Variants in NSMCE2 observed in about 807,000 individuals in gnomAD.
NSMCE2 encodes NSE2 SUMO ligase component of SMC5/6 complex.
In NSMCE2, 24 loss-of-function variants were observed where a neutral mutation model predicts 23.8. The observed-to-expected ratio is 1.01, with a 90% CI of 0.73 to 1.42. NSMCE2 has a LOEUF of 1.42. Among genes scored for constraint, NSMCE2 ranks in the 40% most tolerant of loss-of-function variants. The probability of loss-of-function intolerance (pLI) is 0.00; values close to 1 mark genes in which losing one functional copy is unlikely to be tolerated. For missense variants in NSMCE2, 284 were observed against 296.5 expected (o/e 0.96, Z 0.31); for synonymous variants, 92 against 94.1 (o/e 0.98, Z 0.13).
In NSMCE2 at chr8:125,101,197, T is replaced by G. The variant is rs576475432; in HGVS notation, c.-110-854T>G. On this transcript the variant is annotated intron_variant, in intron 1 of 7. Coordinates refer to ENST00000287437, the MANE Select transcript of NSMCE2 (RefSeq NM_173685.4). The stretch of plus-strand genomic sequence containing the variant: ...CATGATTGACATGGTAGGTACTCAA[T>G]ACTTATGAGTGAAATGAATGAATGA... 7.9e-5 allele frequency among the ~76,000 whole-genome samples: 12 copies of G among 152,294 alleles called. No homozygotes were observed. The South Asian group carries it at 2.3e-3, about 29-fold the overall frequency.
At chr8:125,122,737 T>A (rs1819331569) in intron 3 of NSMCE2, among the ~76,000 whole-genome samples, 1 of 152,190 alleles carries the variant, frequency 6.6e-6, no homozygotes, top group Admixed American at 6.5e-5. Context: ...TTCTTTGCAC[T>A]CAGTTGTATT....
chr8:125,334,870 C>A (rs1296674421), intron 5 of NSMCE2, among the ~76,000 whole-genome samples: 2 of 147,860 alleles, frequency 1.4e-5, no homozygotes, highest in African/African-American at 5.0e-5. Flanking sequence ...ATCCTCCCAC[C>A]TCAACCTCCT....
intron 3 of NSMCE2, among the ~76,000 whole-genome samples, chr8:125,127,547 T>G (rs1032910209): frequency 2.6e-5 from 4 of 152,250 alleles, no homozygotes; most frequent in African/African-American, 9.6e-5. Flanking sequence ...TTATGTAATG[T>G]GTTACATGGA....
chr8:125,353,522 A>G (rs1813124099), intron 5 of NSMCE2, among the ~76,000 whole-genome samples: 2 of 152,196 alleles, frequency 1.3e-5, no homozygotes, highest in Admixed American at 6.5e-5. Flanking sequence ...CATCATAGCC[A>G]TGAGCAATAT....
chr8:125,271,708 A>G (rs1827197823), intron 5 of NSMCE2, among the ~76,000 whole-genome samples: 1 of 152,324 alleles, frequency 6.6e-6, no homozygotes, highest in East Asian at 1.9e-4. Context: ...GGGTTTCAAC[A>G]TCAGCGTTCT....
At chr8:125,148,404 T>C (rs2130662437) in intron 3 of NSMCE2, among the ~76,000 whole-genome samples, 1 of 152,334 alleles carries the variant, frequency 6.6e-6, no homozygotes, top group Admixed American at 6.5e-5. Context: ...AGCTCTTTTG[T>C]AGCATTTTGA....
At chr8:125,333,564 G>T (rs1241899486) in intron 5 of NSMCE2, among the ~76,000 whole-genome samples, 1 of 122,510 alleles carries the variant, frequency 8.2e-6, no homozygotes, top group Non-Finnish European at 1.6e-5. Flanking sequence ...GCCCAGGCTG[G>T]AGTGCAGTGG....
In NSMCE2 at chr8:125,267,043, C is replaced by T. The variant is rs568470391; in HGVS notation, c.418+84787C>T. 1.6e-4 allele frequency among the ~76,000 whole-genome samples: 18 copies of T among 113,592 alleles called. No homozygotes were observed. In the Admixed American group the frequency reaches 1.6e-3, roughly 10 times the overall value. 74.5% of individuals were successfully genotyped at this position (113,592 alleles called of 152,430 possible). ...TTTTTGAGACAGAGTCTTGCTCTGT[C>T]TCCCAGGCAGTAGTGCAATGGCATG... On this transcript the variant is annotated intron_variant, in intron 5 of 7. Coordinates refer to ENST00000287437, the MANE Select transcript of NSMCE2 (RefSeq NM_173685.4).
chr8:125,302,141 GA>G (rs1432823834), intron 5 of NSMCE2, among the ~76,000 whole-genome samples: 1 of 152,058 alleles, frequency 6.6e-6, no homozygotes, highest in Admixed American at 6.6e-5. Flanking sequence ...ATTTTTAGTA[GA>G]AATGGGGTTT....
intron 3 of NSMCE2, among the ~76,000 whole-genome samples, chr8:125,147,989 C>A (rs1820786399): frequency 6.6e-6 from 1 of 152,180 alleles, no homozygotes; most frequent in African/African-American, 2.4e-5. Flanking sequence ...CTCTCAGCCC[C>A]CTGCTACAGC....
intron 5 of NSMCE2, among the ~76,000 whole-genome samples, chr8:125,238,631 G>A (rs1825650502): frequency 6.6e-6 from 1 of 151,840 alleles, no homozygotes; most frequent in Non-Finnish European, 1.5e-5. Flanking sequence ...CAGAATAATT[G>A]ATAACTAAAT....
intron 5 of NSMCE2, chr8:125,348,250 A>G (rs1232347855): frequency 6.6e-6 from 1 of 152,236 alleles, no homozygotes; most frequent in Admixed American, 6.5e-5. Context: ...TATACAAAAT[A>G]AGTAACATAT....
chr8:125,182,534 G>A (rs1004274849), intron 5 of NSMCE2: 5 of 456,846 alleles, frequency 1.1e-5, no homozygotes, highest in Middle Eastern at 5.4e-4. Flanking sequence ...GGGAAATTGG[G>A]AAAACAAAAT....
rs56906621 is a variant in NSMCE2, at chr8:125,312,075, TAAAAA to T, written c.419-45130_419-45126del. The stretch of plus-strand genomic sequence containing the variant: ...AACAAGAGCAAAACTCCATCTCAAT[TAAAAA>T]AAAAAAAAAAAAAGAAAGAAAAGAA... On this transcript the variant is annotated intron_variant, in intron 5 of 7. Transcript: ENST00000287437. Among the ~76,000 whole-genome samples the T allele has an allele frequency of 6.6e-3, 654 of 99,406 alleles. 2 individuals are homozygous for T. Among genetic ancestry groups the T allele is most frequent in the East Asian group, 0.018 (65 of 3,692 alleles). 65.2% of individuals were successfully genotyped at this position (99,406 alleles called of 152,430 possible). A position where few individuals can be genotyped will look rare whatever the true frequency, so the allele number is the denominator to read the frequency against.
At chr8:125,196,080 C>T (rs1187539386) in intron 5 of NSMCE2, among the ~76,000 whole-genome samples, 3 of 151,458 alleles carry the variant, frequency 2.0e-5, no homozygotes, top group Non-Finnish European at 4.4e-5. Context: ...TGGGTTTCAC[C>T]GTGTTGGCCA....
At chr8:125,325,929 G>A (rs11778726) in intron 5 of NSMCE2, among the ~76,000 whole-genome samples, 66,368 of 151,446 alleles carry the variant, frequency 0.44, 16,737 homozygotes, top group Admixed American at 0.55. Flanking sequence ...TCCAGCCTGG[G>A]CAACAAGAGT....
At chr8:125,272,552 T>C (rs1427971997) in intron 5 of NSMCE2, among the ~76,000 whole-genome samples, 1 of 151,578 alleles carries the variant, frequency 6.6e-6, no homozygotes, top group Non-Finnish European at 1.5e-5. Context: ...AGTGGTGCTA[T>C]GACATCATTT....
chr8:125,296,854 A>G (rs977852099), intron 5 of NSMCE2, among the ~76,000 whole-genome samples: 5 of 152,246 alleles, frequency 3.3e-5, no homozygotes, highest in Non-Finnish European at 5.9e-5. Context: ...ATAAAAATGA[A>G]TCAGAGAATT....
intron 5 of NSMCE2, among the ~76,000 whole-genome samples, chr8:125,269,193 T>G (rs545798768): frequency 1.3e-5 from 2 of 152,132 alleles, no homozygotes; most frequent in Non-Finnish European, 1.5e-5. Context: ...GTTCCAGTGA[T>G]TCTCTTGCCT....
Sources: gnomAD v4.1 joint callset for allele counts (sites outside exome capture counted in the v4.1 genomes callset) on GRCh38, gnomAD v4.1.1 for gene constraint, MANE v1.5 for transcripts, NCBI Gene and HGNC (gene_info 2026-07-23, HGNC 2026-07-21) for gene names.